The following IL7 variants were observed in gnomAD, a reference collection of about 807,000 sequenced individuals.
IL7 encodes the protein interleukin-7.
IL7 carries 3 observed loss-of-function variants against 21.6 expected under a neutral mutation model. The ratio of observed to expected loss-of-function variants is 0.14; its 90% CI spans 0.06 to 0.36. The LOEUF (loss-of-function observed/expected upper bound fraction) is 0.36, where lower values mean the gene tolerates loss of function less well. Ranked by LOEUF, IL7 falls within the 10% of genes least tolerant of loss-of-function variation. IL7 has a pLI of 1.00. For synonymous variants in IL7, 62 were observed against 68.1 expected, an observed-to-expected ratio of 0.91 and a Z score of 0.44; for missense variants, 175 against 200.2, an observed-to-expected ratio of 0.87 and a Z score of 0.76.
chr8:78,780,490 C>T (rs1191630265), intron 2 of IL7, among the ~76,000 whole-genome samples: 1 of 152,036 alleles, frequency 6.6e-6, no homozygotes, highest in Non-Finnish European at 1.5e-5. Context: ...CATTATTTAC[C>T]GAGGAGTCAT....
At chr8:78,705,110 G>C (rs533533564) in intron 3 of IL7, among the ~76,000 whole-genome samples, 3 of 152,150 alleles carry the variant, frequency 2.0e-5, no homozygotes, top group Non-Finnish European at 4.4e-5. Flanking sequence ...CATTTCAGCT[G>C]TCTCAGCCTC....
chr8:78,764,748 G>T (rs919338669), intron 2 of IL7, among the ~76,000 whole-genome samples: 1 of 152,094 alleles, frequency 6.6e-6, no homozygotes, highest in African/African-American at 2.4e-5. Flanking sequence ...CATGATGTCA[G>T]TTCTTTCCAA....
intron 3 of IL7, among the ~76,000 whole-genome samples, chr8:78,692,378 C>T (rs1412198130): frequency 1.3e-5 from 2 of 152,250 alleles, no homozygotes; most frequent in Non-Finnish European, 2.9e-5. Flanking sequence ...TAATCCTTAA[C>T]TACTAAATCT....
chr8:78,761,471 C>A (rs1469707803), intron 2 of IL7: 2 of 1,610,698 alleles, frequency 1.2e-6, no homozygotes, highest in East Asian at 4.5e-5. Context: ...CATATTTAAT[C>A]CCCACTTCTC....
intron 3 of IL7, among the ~76,000 whole-genome samples, chr8:78,723,227 T>C (rs1332182141): frequency 6.6e-6 from 1 of 151,692 alleles, no homozygotes; most frequent in South Asian, 2.1e-4. Flanking sequence ...TCATGCTATA[T>C]ATAGGAAGAA....
At chr8:78,737,656 T>C (rs1811637842) in intron 4 of IL7, among the ~76,000 whole-genome samples, 1 of 152,104 alleles carries the variant, frequency 6.6e-6, no homozygotes, top group Non-Finnish European at 1.5e-5. Flanking sequence ...AAGATAATCT[T>C]ACCATTTTAC....
intron 4 of IL7, among the ~76,000 whole-genome samples, chr8:78,737,153 A>G (rs1282346805): frequency 3.9e-5 from 6 of 152,146 alleles, no homozygotes; most frequent in Non-Finnish European, 1.5e-5. Context: ...CTCAATACAT[A>G]AGAGAAAGAA....
In IL7 at chr8:78,702,834, T is replaced by G. The variant is rs184551051; in HGVS notation, n.215-16887A>C. ...CTGTGGTTTGAGAGAATATTTGTTATGATTTCAGTTCTTTTGCTTTTACTG... is the reference window on the plus strand; with the variant it reads ...CTGTGGTTTGAGAGAATATTTGTTAGGATTTCAGTTCTTTTGCTTTTACTG... On this transcript the variant is annotated intron_variant and non_coding_transcript_variant, in intron 3 of 4. Coordinates refer to the IL7 transcript ENST00000523959. 3.7e-4 allele frequency among the ~76,000 whole-genome samples: 56 copies of G among 152,336 alleles called. 1 individual carries two copies. In the East Asian group the frequency reaches 9.8e-3, roughly 27 times the overall value.
At chr8:78,692,182 G>A (rs1810233088) in intron 3 of IL7, among the ~76,000 whole-genome samples, 1 of 152,022 alleles carries the variant, frequency 6.6e-6, no homozygotes, top group Non-Finnish European at 1.5e-5. Context: ...TCATCTCCTT[G>A]TTCTTTCTTC....
At chr8:78,776,186 A>G (rs888565425) in intron 2 of IL7, among the ~76,000 whole-genome samples, 1 of 152,090 alleles carries the variant, frequency 6.6e-6, no homozygotes, top group Non-Finnish European at 1.5e-5. Flanking sequence ...GAAGTAAAGT[A>G]AGAATGACTT....
chr8:78,797,215 G>T (rs1813880799), intron 2 of IL7, among the ~76,000 whole-genome samples: 1 of 151,904 alleles, frequency 6.6e-6, no homozygotes, highest in Admixed American at 6.6e-5. Context: ...CAAAACTACA[G>T]AGACATAAAC....
At chr8:78,774,439 T>C (rs1813065349) in intron 2 of IL7, among the ~76,000 whole-genome samples, 1 of 152,178 alleles carries the variant, frequency 6.6e-6, no homozygotes. Flanking sequence ...CTAAATTTTA[T>C]GTTAATAACA....
intron 2 of IL7, among the ~76,000 whole-genome samples, chr8:78,753,919 A>G (rs968890261): frequency 1.3e-5 from 2 of 152,030 alleles, no homozygotes; most frequent in African/African-American, 2.4e-5. Flanking sequence ...GTTCTGTTCA[A>G]TTGGTCTATA....
chr8:78,710,493 A>G (rs559338891), intron 3 of IL7, among the ~76,000 whole-genome samples: 2 of 152,032 alleles, frequency 1.3e-5, no homozygotes. Context: ...ACTTTGTTGT[A>G]TCACATGTAG....
chr8:78,694,064 A>G (rs1181380938), intron 3 of IL7, among the ~76,000 whole-genome samples: 1 of 152,046 alleles, frequency 6.6e-6, no homozygotes, highest in Non-Finnish European at 1.5e-5. Context: ...ATTATTTCTG[A>G]GTGCTCAGTT....
intron 3 of IL7, among the ~76,000 whole-genome samples, chr8:78,704,035 C>T: frequency 6.6e-6 from 1 of 152,094 alleles, no homozygotes; most frequent in East Asian, 1.9e-4. Flanking sequence ...TTCTCCTTCA[C>T]TTATGAAGCT....
intron 3 of IL7, among the ~76,000 whole-genome samples, chr8:78,705,278 G>T (rs1810734149): frequency 6.6e-6 from 1 of 152,156 alleles, no homozygotes. Flanking sequence ...CTTTGAGGCT[G>T]CTTACCTTTG....
chr8:78,687,507 T>C (rs888634955), intron 3 of IL7, among the ~76,000 whole-genome samples: 1 of 142,638 alleles, frequency 7.0e-6, no homozygotes, highest in Non-Finnish European at 1.5e-5. Context: ...TATAATAAAT[T>C]ATATATATTT....
chr8:78,744,793 A>G (rs1042406962), intron 2 of IL7, among the ~76,000 whole-genome samples: 1 of 152,164 alleles, frequency 6.6e-6, no homozygotes, highest in Non-Finnish European at 1.5e-5. Context: ...ATTAGACTGA[A>G]AGCCCTGATG....
Sources: gnomAD v4.1 joint callset for allele counts (sites outside exome capture counted in the v4.1 genomes callset) on GRCh38, gnomAD v4.1.1 for gene constraint, MANE v1.5 for transcripts, NCBI Gene and HGNC (gene_info 2026-07-23, HGNC 2026-07-21) for gene names.